PTPRD: variants seen among roughly 807,000 people sequenced by gnomAD.
PTPRD encodes the protein protein tyrosine phosphatase receptor type D.
PTPRD carries 34 observed loss-of-function variants against 214.5 expected under a neutral mutation model. That is an observed-to-expected ratio of 0.16 (90% CI 0.12 to 0.21). PTPRD has a LOEUF of 0.21. PTPRD is among the 10% of genes least tolerant of loss of function. The pLI is 1.00. For synonymous variants in PTPRD, 1,128 were observed against 845.7 expected (o/e 1.33, Z -5.79); for missense variants, 2,545 against 2,398.7 (o/e 1.06, Z -1.27).
At chr9:10,600,268 AG>A (rs1276857798) in intron 2 of PTPRD, among the ~76,000 whole-genome samples, 2 of 151,734 alleles carry the variant, frequency 1.3e-5, no homozygotes, top group Non-Finnish European at 2.9e-5. Flanking sequence ...TATTAAAAAA[AG>A]TTTTCTGGAA....
At chr9:9,183,277 A>C (rs924471481) in intron 10 of PTPRD, 27 bp downstream of exon 10, 1 of 152,168 alleles carries the variant, frequency 6.6e-6, no homozygotes, top group East Asian at 1.9e-4. Flanking sequence ...GAGAAGGGAA[A>C]GGGTTAAAAT....
chr9:9,359,505 A>G (rs80211402), intron 9 of PTPRD, among the ~76,000 whole-genome samples: 1,691 of 151,354 alleles, frequency 0.011, 31 homozygotes, highest in African/African-American at 0.039. Flanking sequence ...AGCTAAATTG[A>G]CAAAGACTTA....
chr9:9,208,868 C>A (rs1248349026), intron 9 of PTPRD, among the ~76,000 whole-genome samples: 1 of 151,312 alleles, frequency 6.6e-6, no homozygotes, highest in Non-Finnish European at 1.5e-5. Context: ...AGTACAGTGG[C>A]GCGATCCCGG....
At chr9:8,776,495 G>A (rs1021830093) in intron 11 of PTPRD, among the ~76,000 whole-genome samples, 17 of 145,450 alleles carry the variant, frequency 1.2e-4, no homozygotes, top group Admixed American at 3.6e-4. Context: ...ATGGGATTTC[G>A]TCATGTTGCC....
intron 11 of PTPRD, among the ~76,000 whole-genome samples, chr9:8,795,946 A>T (rs921834365): frequency 5.3e-5 from 8 of 152,346 alleles, no homozygotes; most frequent in Admixed American, 5.2e-4. Context: ...TACCTTGTAT[A>T]GTTACACTAT....
chr9:9,056,961 C>G (rs1408565301), intron 10 of PTPRD, among the ~76,000 whole-genome samples: 1 of 152,150 alleles, frequency 6.6e-6, no homozygotes, highest in Non-Finnish European at 1.5e-5. Context: ...CAATTAGGAA[C>G]TTGATGATCT....
intron 20 of PTPRD, among the ~76,000 whole-genome samples, chr9:8,520,366 G>A (rs7023008): frequency 0.21 from 31,490 of 151,966 alleles, 4,383 homozygotes; most frequent in African/African-American, 0.4. Context: ...GGTTAGAGAT[G>A]CGATACCAAT....
chr9:9,426,541 C>G (rs111580905), intron 8 of PTPRD, among the ~76,000 whole-genome samples: 7 of 152,182 alleles, frequency 4.6e-5, no homozygotes, highest in African/African-American at 1.2e-4. Context: ...CCCTGTCTGA[C>G]AGCTTTGAAG....
intron 3 of PTPRD, among the ~76,000 whole-genome samples, chr9:10,283,618 A>G (rs555906236): frequency 4.3e-4 from 66 of 152,296 alleles, no homozygotes; most frequent in African/African-American, 1.5e-3. Flanking sequence ...CCAGTAATCT[A>G]TTCATCAGTA....
intron 11 of PTPRD, among the ~76,000 whole-genome samples, chr9:9,003,754 C>A (rs1196730675): frequency 2.0e-5 from 3 of 151,968 alleles, no homozygotes; most frequent in African/African-American, 4.8e-5. Flanking sequence ...TTCGAACTGG[C>A]CTGTGATAGC....
intron 2 of PTPRD, among the ~76,000 whole-genome samples, chr9:10,479,010 G>A (rs368244193): frequency 2.6e-5 from 4 of 151,920 alleles, no homozygotes; most frequent in African/African-American, 9.7e-5. Flanking sequence ...CTTCAAAAAC[G>A]ATGAAAACTT....
intron 11 of PTPRD, among the ~76,000 whole-genome samples, chr9:8,799,574 TTTG>T (rs1357515500): frequency 1.3e-5 from 2 of 152,210 alleles, no homozygotes; most frequent in Non-Finnish European, 1.5e-5. Context: ...AGCAAGGAAG[TTTG>T]TTGTTATTTC....
chr9:10,489,033 G>GC (rs1396597145), intron 2 of PTPRD, among the ~76,000 whole-genome samples: 3 of 152,036 alleles, frequency 2.0e-5, no homozygotes, highest in Non-Finnish European at 4.4e-5. Flanking sequence ...AAGGAGTCTT[G>GC]CCCCATAGAC....
intron 3 of PTPRD, among the ~76,000 whole-genome samples, chr9:10,208,316 C>T (rs1475573509): frequency 5.9e-5 from 9 of 152,304 alleles, no homozygotes; most frequent in African/African-American, 2.2e-4. Context: ...AGATCGACGC[C>T]ATCCTGGCTA....
chr9:8,378,685 G>C (rs905881686), intron 37 of PTPRD, among the ~76,000 whole-genome samples: 1 of 152,046 alleles, frequency 6.6e-6, no homozygotes, highest in African/African-American at 2.4e-5. Context: ...ACTATGATAT[G>C]CACAAAAACA....
chr9:10,113,949 G>A (rs1212058357), intron 3 of PTPRD, among the ~76,000 whole-genome samples: 1 of 152,254 alleles, frequency 6.6e-6, no homozygotes, highest in African/African-American at 2.4e-5. Flanking sequence ...ATCCTAGAAT[G>A]TTTGTAAAAA....
At chr9:10,124,346 A>C (rs1018976270) in intron 3 of PTPRD, among the ~76,000 whole-genome samples, 8 of 152,220 alleles carry the variant, frequency 5.3e-5, no homozygotes, top group African/African-American at 1.9e-4. Context: ...ACTTTGTGCC[A>C]CCAAATATTG....
chr9:9,505,721 G>A (rs954629069), intron 8 of PTPRD, among the ~76,000 whole-genome samples: 1 of 151,346 alleles, frequency 6.6e-6, no homozygotes, highest in South Asian at 2.1e-4. Flanking sequence ...GGTACTTTTT[G>A]TTGTTGATGT....
chr9:9,884,888 A>G (rs749787417), intron 5 of PTPRD, among the ~76,000 whole-genome samples: 1 of 152,096 alleles, frequency 6.6e-6, no homozygotes, highest in Non-Finnish European at 1.5e-5. Flanking sequence ...CCCCAGCCCA[A>G]TGGAACTACG....
Sources: allele counts gnomAD v4.1 joint callset (sites outside exome capture counted in the v4.1 genomes callset), GRCh38; gene constraint gnomAD v4.1.1; transcripts MANE v1.5; gene names NCBI Gene and HGNC (gene_info 2026-07-23, HGNC 2026-07-21).